The following FAF1 variants were observed in gnomAD, a reference collection of about 807,000 sequenced individuals.
FAF1 encodes the protein Fas associated factor 1.
In FAF1, 25 loss-of-function variants were observed where a neutral mutation model predicts 92.5. The observed-to-expected ratio is 0.27, with a 90% CI of 0.20 to 0.38. FAF1 has a LOEUF of 0.38. Ranked by LOEUF, FAF1 falls within the 10% of genes least tolerant of loss-of-function variation. The pLI is 1.00. For synonymous variants in FAF1, 234 were observed against 273.2 expected (o/e 0.86, Z 1.42); for missense variants, 636 against 793.3 (o/e 0.80, Z 2.38).
At chr1:50,817,422 G>T (rs922549834) in intron 2 of FAF1, among the ~76,000 whole-genome samples, 1 of 152,162 alleles carries the variant, frequency 6.6e-6, no homozygotes, top group African/African-American at 2.4e-5. Context: ...TTTACATGAG[G>T]TAATGAGAGT....
At chr1:50,796,000 TTC>T (rs927289248) in intron 3 of FAF1, among the ~76,000 whole-genome samples, 1 of 151,792 alleles carries the variant, frequency 6.6e-6, no homozygotes, top group Non-Finnish European at 1.5e-5. Context: ...AAACTGAGGA[TTC>T]TGACTCTTCA....
At chr1:50,937,661 A>G (rs1336740159) in intron 1 of FAF1, among the ~76,000 whole-genome samples, 2 of 152,184 alleles carry the variant, frequency 1.3e-5, no homozygotes, top group Non-Finnish European at 2.9e-5. Flanking sequence ...TATTAGTTTA[A>G]AGTACTACAT....
intron 8 of FAF1, among the ~76,000 whole-genome samples, chr1:50,627,303 G>A (rs1335718445): frequency 6.6e-6 from 1 of 152,116 alleles, no homozygotes; most frequent in Admixed American, 6.5e-5. Flanking sequence ...AGAAGGATGA[G>A]CTTGCAAAGG....
chr1:50,628,131 G>C (rs1653594626), intron 8 of FAF1, among the ~76,000 whole-genome samples: 1 of 152,152 alleles, frequency 6.6e-6, no homozygotes, highest in Non-Finnish European at 1.5e-5. Context: ...GTATGCGTGT[G>C]TGTTTCTGTT....
chr1:50,495,937 C>T (rs766090838), intron 15 of FAF1, among the ~76,000 whole-genome samples: 2 of 152,126 alleles, frequency 1.3e-5, no homozygotes, highest in Non-Finnish European at 2.9e-5. Flanking sequence ...AGTCCTCTAT[C>T]TCCGAGACAA....
At chr1:50,892,943 A>G (rs1188955216) in intron 1 of FAF1, among the ~76,000 whole-genome samples, 1 of 152,070 alleles carries the variant, frequency 6.6e-6, no homozygotes, top group Non-Finnish European at 1.5e-5. Context: ...CACACTCACT[A>G]ATACTTTCTG....
chr1:50,713,570 G>A (rs1004528747), intron 6 of FAF1, among the ~76,000 whole-genome samples: 1 of 151,794 alleles, frequency 6.6e-6, no homozygotes, highest in African/African-American at 2.4e-5. Flanking sequence ...CATCGCGTCC[G>A]GCCAAAAAAC....
intron 1 of FAF1, among the ~76,000 whole-genome samples, chr1:50,876,238 CATT>C (rs1165726708): frequency 6.6e-6 from 1 of 152,142 alleles, no homozygotes; most frequent in African/African-American, 2.4e-5. Context: ...ACAGAGAAAA[CATT>C]ATGGCCAAAG....
chr1:50,835,188 C>G (rs547881059), intron 2 of FAF1, among the ~76,000 whole-genome samples: 7 of 152,180 alleles, frequency 4.6e-5, no homozygotes, highest in Non-Finnish European at 7.4e-5. Context: ...AGCACTACGA[C>G]CAGAGTGGGA....
At chr1:50,815,656 T>C (rs912517511) in intron 2 of FAF1, among the ~76,000 whole-genome samples, 2 of 152,244 alleles carry the variant, frequency 1.3e-5, no homozygotes, top group Non-Finnish European at 2.9e-5. Context: ...CTAATTTACA[T>C]TTCTACCAAC....
At chr1:50,765,847 T>C (rs1320840501) in intron 4 of FAF1, among the ~76,000 whole-genome samples, 1 of 152,122 alleles carries the variant, frequency 6.6e-6, no homozygotes, top group Non-Finnish European at 1.5e-5. Flanking sequence ...TCCCAGCACT[T>C]TGGAAGGCTG....
intron 8 of FAF1, among the ~76,000 whole-genome samples, chr1:50,603,291 G>A (rs1038540198): frequency 2.0e-5 from 3 of 152,212 alleles, no homozygotes; most frequent in African/African-American, 4.8e-5. Context: ...AAAGACTATC[G>A]TGATTGTACA....
chr1:50,947,772 C>T (rs919408733), intron 1 of FAF1, among the ~76,000 whole-genome samples: 2 of 152,188 alleles, frequency 1.3e-5, no homozygotes, highest in African/African-American at 4.8e-5. Context: ...AAAGTTACAA[C>T]CCTCAATTTA....
intron 7 of FAF1, among the ~76,000 whole-genome samples, chr1:50,675,717 A>C (rs1656089235): frequency 6.6e-6 from 1 of 152,256 alleles, no homozygotes; most frequent in African/African-American, 2.4e-5. Context: ...TCTGCAGGAG[A>C]AATACAAAGA....
At chr1:50,524,818 T>C (rs1647706815) in intron 15 of FAF1, among the ~76,000 whole-genome samples, 1 of 152,214 alleles carries the variant, frequency 6.6e-6, no homozygotes, top group Non-Finnish European at 1.5e-5. Context: ...TCAAGTAGCA[T>C]AATCCCTCCA....
intron 6 of FAF1, among the ~76,000 whole-genome samples, chr1:50,735,541 CAA>C (rs1659100852): frequency 6.6e-6 from 1 of 152,074 alleles, no homozygotes; most frequent in African/African-American, 2.4e-5. Flanking sequence ...TATATTAATA[CAA>C]AGACTCAATT....
At chr1:50,796,268 T>A (rs1183015982) in intron 3 of FAF1, among the ~76,000 whole-genome samples, 2 of 152,000 alleles carry the variant, frequency 1.3e-5, no homozygotes, top group Admixed American at 6.6e-5. Context: ...CCTATCAACA[T>A]CACCCTAGCA....
intron 13 of FAF1, among the ~76,000 whole-genome samples, chr1:50,556,011 A>G (rs900374175): frequency 6.6e-6 from 1 of 151,690 alleles, no homozygotes; most frequent in Non-Finnish European, 1.5e-5. Flanking sequence ...GTGTGTATAT[A>G]TAATAGAATA....
At chr1:50,732,637 T>C (rs1355833183) in intron 6 of FAF1, among the ~76,000 whole-genome samples, 3 of 152,216 alleles carry the variant, frequency 2.0e-5, no homozygotes, top group Admixed American at 6.5e-5. Context: ...TTAAAAGATG[T>C]CTCTTTGGTA....
Sources: allele counts gnomAD v4.1 joint callset (sites outside exome capture counted in the v4.1 genomes callset), GRCh38; gene constraint gnomAD v4.1.1; transcripts MANE v1.5; gene names NCBI Gene and HGNC (gene_info 2026-07-23, HGNC 2026-07-21).